The following AKT3 variants were observed in gnomAD, a reference collection of about 807,000 sequenced individuals.
AKT3 encodes the protein AKT serine/threonine kinase 3, also known as RAC-gamma serine/threonine-protein kinase.
AKT3 carries 15 observed loss-of-function variants against 65.3 expected under a neutral mutation model. That is an observed-to-expected ratio of 0.23 (90% confidence interval 0.15 to 0.35). AKT3 has a LOEUF of 0.35. Ranked by LOEUF, AKT3 falls within the 10% of genes least tolerant of loss-of-function variation. The pLI, the probability that AKT3 is intolerant of heterozygous loss-of-function variation, is 1.00. For synonymous variants in AKT3, 206 were observed against 183.8 expected (o/e 1.12, Z -0.98); for missense variants, 243 against 576.5 (o/e 0.42, Z 5.92).
intron 8 of AKT3, among the ~76,000 whole-genome samples, chr1:243,604,631 A>G (rs1479331341): frequency 6.6e-6 from 1 of 152,036 alleles, no homozygotes; most frequent in East Asian, 1.9e-4. Flanking sequence ...CTACTCTGGC[A>G]CCCTTTGCTT....
At chr1:243,660,710 G>C (rs529771464) in intron 4 of AKT3, among the ~76,000 whole-genome samples, 3 of 152,272 alleles carry the variant, frequency 2.0e-5, no homozygotes, top group Non-Finnish European at 2.9e-5. Context: ...GTTGTGGCCA[G>C]GGCAATTAGG....
chr1:243,618,427 CACAGATGCTA>C (rs929716812), intron 6 of AKT3, among the ~76,000 whole-genome samples: 37 of 152,076 alleles, frequency 2.4e-4, no homozygotes, highest in Non-Finnish European at 1.5e-5. Context: ...AAAAAGTAAA[CACAGATGCTA>C]ATAATTTTTA....
In AKT3 at chr1:243,701,800, T is replaced by A. The variant is rs113807616; in HGVS notation, c.47-6084A>T. Among the ~76,000 whole-genome samples the A allele has an allele frequency of 8.1e-3, 1,236 of 152,168 alleles. 5 individuals carry two copies. The highest frequency in any genetic ancestry group is 0.02 in the Middle Eastern group (6 of 294). Reference sequence around the variant, plus strand: ...GTTGTAACATAGTCTTCAAAGCTAATCACTGCATAAGGAAGACGGTGGGAG... The same window carrying A: ...GTTGTAACATAGTCTTCAAAGCTAAACACTGCATAAGGAAGACGGTGGGAG... On this transcript the variant is annotated intron_variant, in intron 2 of 13. Coordinates refer to ENST00000673466, the MANE Select transcript of AKT3 (RefSeq NM_005465.7).
chr1:243,659,114 T>C (rs907601640), intron 4 of AKT3, among the ~76,000 whole-genome samples: 1 of 152,104 alleles, frequency 6.6e-6, no homozygotes, highest in Non-Finnish European at 1.5e-5. Context: ...TCCTCTAATA[T>C]GCTGTAACAT....
intron 11 of AKT3, among the ~76,000 whole-genome samples, chr1:243,551,104 A>G (rs920284928): frequency 1.3e-5 from 2 of 152,162 alleles, no homozygotes; most frequent in African/African-American, 2.4e-5. Flanking sequence ...AAACTGCTGC[A>G]TTGTAAATAA....
chr1:243,517,140 G>T (rs1578275), intron 12 of AKT3, among the ~76,000 whole-genome samples: 1 of 151,932 alleles, frequency 6.6e-6, no homozygotes, highest in African/African-American at 2.4e-5. Context: ...ATTTTCCATA[G>T]ATCTGTGTTT....
At chr1:243,795,368 G>C (rs1691889611) in intron 2 of AKT3, among the ~76,000 whole-genome samples, 1 of 151,114 alleles carries the variant, frequency 6.6e-6, no homozygotes, top group African/African-American at 2.4e-5. Flanking sequence ...GGACAGGCTT[G>C]ACTGTGCAGT....
intron 2 of AKT3, among the ~76,000 whole-genome samples, chr1:243,714,530 A>G (rs907638874): frequency 1.1e-4 from 17 of 152,178 alleles, no homozygotes; most frequent in Non-Finnish European, 2.5e-4. Context: ...TTTGTATTTC[A>G]CTGAAGCAGA....
chr1:243,708,331 A>G (rs185004227), intron 2 of AKT3, among the ~76,000 whole-genome samples: 236 of 152,188 alleles, frequency 1.6e-3, no homozygotes, highest in African/African-American at 5.3e-3. Flanking sequence ...AAGAAAGCTT[A>G]TAGATAATAT....
At chr1:243,614,771 A>C (rs946650911) in intron 7 of AKT3, among the ~76,000 whole-genome samples, 5 of 152,162 alleles carry the variant, frequency 3.3e-5, no homozygotes, top group African/African-American at 1.2e-4. Context: ...ATTTTTAAAA[A>C]TCAGCCATTT....
At chr1:243,805,811 T>G (rs1238865720) in intron 2 of AKT3, among the ~76,000 whole-genome samples, 1 of 152,230 alleles carries the variant, frequency 6.6e-6, no homozygotes, top group Admixed American at 6.5e-5. Context: ...CTCATATTCA[T>G]TCTTCAGTCC....
At chr1:243,758,469 A>G (rs911841672) in intron 2 of AKT3, among the ~76,000 whole-genome samples, 30 of 152,210 alleles carry the variant, frequency 2.0e-4, no homozygotes. Flanking sequence ...AAAAGCTGCA[A>G]TAAGAGCATG....
intron 3 of AKT3, among the ~76,000 whole-genome samples, chr1:243,668,142 T>C (rs1682926328): frequency 1.3e-5 from 2 of 152,208 alleles, no homozygotes; most frequent in African/African-American, 4.8e-5. Flanking sequence ...CATATATTCT[T>C]AGCACTTAGA....
intron 2 of AKT3, among the ~76,000 whole-genome samples, chr1:243,699,465 C>CCATATATATATATATATATATA (rs1389882625): frequency 9.7e-6 from 1 of 103,624 alleles, no homozygotes; most frequent in African/African-American, 4.9e-5. Flanking sequence ...ACCTCTTCCA[C>CCATATATATATATATATATATA]TATATATATA....
At chr1:243,728,438 C>A (rs182975099) in intron 2 of AKT3, among the ~76,000 whole-genome samples, 10 of 152,346 alleles carry the variant, frequency 6.6e-5, no homozygotes, top group Admixed American at 2.6e-4. Context: ...GCAGCCAGCA[C>A]TTGATACTAT....
At chr1:243,646,450 G>T (rs1280249872) in intron 4 of AKT3, among the ~76,000 whole-genome samples, 1 of 152,016 alleles carries the variant, frequency 6.6e-6, no homozygotes. Context: ...CACCTCGTGG[G>T]TTCAAGTGAT....
intron 3 of AKT3, among the ~76,000 whole-genome samples, chr1:243,669,228 C>T (rs910710538): frequency 6.6e-6 from 1 of 152,156 alleles, no homozygotes; most frequent in Non-Finnish European, 1.5e-5. Flanking sequence ...ATTGTGTGCA[C>T]AGTTCTTCTT....
chr1:243,555,457 G>A (rs1187990684), intron 10 of AKT3, among the ~76,000 whole-genome samples: 2 of 152,074 alleles, frequency 1.3e-5, no homozygotes, highest in Non-Finnish European at 2.9e-5. Flanking sequence ...AAATCCCACA[G>A]CCAAATTAAC....
chr1:243,834,471 T>C (rs929276341), intron 2 of AKT3, among the ~76,000 whole-genome samples: 15 of 152,128 alleles, frequency 9.9e-5, no homozygotes, highest in Admixed American at 3.9e-4. Context: ...ACATGGACAA[T>C]GTATACTCGA....
Sources: allele counts gnomAD v4.1 joint callset (sites outside exome capture counted in the v4.1 genomes callset), GRCh38; gene constraint gnomAD v4.1.1; transcripts MANE v1.5; gene names NCBI Gene and HGNC (gene_info 2026-07-23, HGNC 2026-07-21).